The following ZEB2 variants were observed in gnomAD, a reference collection of about 807,000 sequenced individuals.
ZEB2 encodes zinc finger E-box-binding homeobox 2.
In ZEB2, 6 loss-of-function variants were observed where a neutral mutation model predicts 99.9. That is an observed-to-expected ratio of 0.06 (90% CI 0.03 to 0.12). The LOEUF (loss-of-function observed/expected upper bound fraction) is 0.12, where lower values mean the gene tolerates loss of function less well. Among genes scored for constraint, ZEB2 ranks in the 10% least tolerant of loss-of-function variants. The pLI, the probability that ZEB2 is intolerant of heterozygous loss-of-function variation, is 1.00. For synonymous variants in ZEB2, 517 were observed against 542.5 expected (o/e 0.95, Z 0.65); for missense variants, 969 against 1,502.8 (o/e 0.64, Z 5.87).
In ZEB2 at chr2:144,398,664, G is replaced by A. The variant is rs754138110; in HGVS notation, c.2523C>T (p.Ser841=). Residue 841 remains serine (S), a synonymous_variant, in exon 8 of 10, where the codon AGC becomes AGT. Transcript: ENST00000627532. The part of the protein sequence containing the change: ...IATKNKTKAS[S]ISLDHNSVSS... ...AAACACTGTTATGATCTAAACTGAT[G>A]CTACTAGCTTTTGTTTTGTTCTTTG... 6.2e-7 allele frequency: 1 copy of A among 1,613,946 alleles called. No individual in the cohort carries two copies. The highest frequency in any genetic ancestry group is 1.1e-5 in the South Asian group (1 of 91,078).
At position 144,517,318 on chromosome 2, in the gene ZEB2, C is replaced by T. The variant is rs1384042379; in HGVS notation, c.33G>A (p.Arg11=). 6.2e-7 allele frequency: 1 copy of T among 1,613,594 alleles called. No homozygotes were observed. Among genetic ancestry groups the T allele is most frequent in the South Asian group, 1.1e-5 (1 of 91,088 alleles). Residue 11 remains arginine (R), a synonymous_variant, in exon 2 of 10, where the codon CGG becomes CGA. Transcript: ENST00000627532. The part of the protein sequence containing the change: MKQPIMADGP[R]CKRRKQANPR... ...GATTGGCTTGTTTGCGCCTCTTGCA[C>T]CGGGGGCCATCCGCCATGATCGGCT...
intron 2 of ZEB2, chr2:144,513,198 AACCATC>A: frequency 1.6e-6 from 2 of 1,287,242 alleles, no homozygotes; most frequent in Non-Finnish European, 2.0e-6. Context: ...CATTGCCTCT[AACCATC>A]ACTACCAGCA....
chr2:144,514,094 G>C (rs757621796), intron 2 of ZEB2: 35 of 381,804 alleles, frequency 9.2e-5, no homozygotes, highest in Non-Finnish European at 1.3e-4. Flanking sequence ...CTTGGCCCTG[G>C]CACTGCCTCT....
rs370546675 is a variant in ZEB2 at position 144,440,143 on chromosome 2, T to A, written c.74-10117A>T. Among the ~76,000 whole-genome samples the A allele has an allele frequency of 5.3e-5, 8 of 152,292 alleles. 1 individual carries two copies. The East Asian group carries it at 1.2e-3, about 22-fold the overall frequency. ...CACTTTGAATGGCTATTTATTTACA[T>A]GTTTGGGCTGTTCACCAGCCTATGA... On this transcript the variant is annotated intron_variant, in intron 2 of 9. Transcript: ENST00000627532.
At chr2:144,419,315 G>A (rs1385740200) in intron 4 of ZEB2, among the ~76,000 whole-genome samples, 1 of 152,184 alleles carries the variant, frequency 6.6e-6, no homozygotes, top group Non-Finnish European at 1.5e-5. Context: ...ATTGTGTTGT[G>A]TAAGATTAAG....
At chr2:144,459,501 T>G (rs1704164183) in intron 2 of ZEB2, among the ~76,000 whole-genome samples, 1 of 152,038 alleles carries the variant, frequency 6.6e-6, no homozygotes. Flanking sequence ...TGTAAAGGAG[T>G]GTGGGACTTG....
At chr2:144,432,166 C>T (rs1703782511) in intron 2 of ZEB2, among the ~76,000 whole-genome samples, 2 of 152,044 alleles carry the variant, frequency 1.3e-5, no homozygotes, top group Admixed American at 1.3e-4. Context: ...TCCCAAATAT[C>T]AGAACAATCT....
intron 2 of ZEB2, among the ~76,000 whole-genome samples, chr2:144,437,774 T>C (rs1016858189): frequency 2.6e-5 from 4 of 152,148 alleles, no homozygotes. Flanking sequence ...CTTGTGTAAA[T>C]AGATATTGTG....
At chr2:144,423,719 A>T (rs1456763910) in intron 4 of ZEB2, among the ~76,000 whole-genome samples, 1 of 152,112 alleles carries the variant, frequency 6.6e-6, no homozygotes, top group East Asian at 1.9e-4. Flanking sequence ...GGTTTTTATT[A>T]TTTCTCTTAT....
intron 2 of ZEB2, among the ~76,000 whole-genome samples, chr2:144,441,487 T>C (rs1378620001): frequency 5.3e-5 from 8 of 151,802 alleles, no homozygotes; most frequent in Admixed American, 5.3e-4. Flanking sequence ...TCTTCCTCAT[T>C]TTACCTCAAG....
At chr2:144,480,468 G>T (rs1288043395) in intron 2 of ZEB2, among the ~76,000 whole-genome samples, 1 of 152,130 alleles carries the variant, frequency 6.6e-6, no homozygotes, top group East Asian at 1.9e-4. Context: ...CCCAAGTTAG[G>T]AAAGAACTTT....
chr2:144,454,264 G>A (rs1342932679), intron 2 of ZEB2, among the ~76,000 whole-genome samples: 1 of 152,114 alleles, frequency 6.6e-6, no homozygotes, highest in Non-Finnish European at 1.5e-5. Flanking sequence ...AACATTATCC[G>A]ATAGTAACTT....
chr2:144,436,226 T>A (rs551357209), intron 2 of ZEB2, among the ~76,000 whole-genome samples: 3 of 152,180 alleles, frequency 2.0e-5, no homozygotes, highest in Non-Finnish European at 2.9e-5. Flanking sequence ...AATATTCAGA[T>A]GGAATGTGCT....
At chr2:144,491,003 C>T (rs1482281933) in intron 2 of ZEB2, among the ~76,000 whole-genome samples, 4 of 152,202 alleles carry the variant, frequency 2.6e-5, no homozygotes, top group East Asian at 1.9e-4. Context: ...TATGTAGTGC[C>T]GTGTCAGTGA....
At chr2:144,519,765 GA>G in intron 1 of ZEB2, 173 bp downstream of exon 1, 1 of 351,652 alleles carries the variant, frequency 2.8e-6, no homozygotes, top group Non-Finnish European at 5.5e-6. Flanking sequence ...AGCCACTCTT[GA>G]GAAAAGCTTG....
intron 2 of ZEB2, among the ~76,000 whole-genome samples, chr2:144,488,147 A>G (rs989944912): frequency 6.6e-6 from 1 of 152,114 alleles, no homozygotes; most frequent in African/African-American, 2.4e-5. Context: ...CATACCAATC[A>G]ATGCTTAGTG....
At chr2:144,518,942 G>T (rs1188429096) in intron 1 of ZEB2, 1 of 152,172 alleles carries the variant, frequency 6.6e-6, no homozygotes, top group Non-Finnish European at 1.5e-5. Context: ...ATCTTTGCCT[G>T]TTACTCCTAA....
At chr2:144,440,507 ATATATATATTTTTTTTTTT>A (rs1365363973) in intron 2 of ZEB2, among the ~76,000 whole-genome samples, 15 of 14,920 alleles carry the variant, frequency 1.0e-3, no homozygotes, top group Admixed American at 4.3e-3. Flanking sequence ...ATATATATAT[ATATATATATTTTTTTTTTT>A]TTTTTTTTTT....
Position 144,396,405 on chromosome 2 carries a change from C to T in ZEB2, c.3067+7G>A, listed in dbSNP as rs1460682974. On this transcript the variant is annotated splice_region_variant and intron_variant, in intron 9 of 9. Transcript: ENST00000627532. ...AGCTCTAACCAGTTAGGCAAAGTCACTCATACCTGTGTGTTCGTATTTATG... is the reference window on the plus strand; with the variant it reads ...AGCTCTAACCAGTTAGGCAAAGTCATTCATACCTGTGTGTTCGTATTTATG... 1.9e-6 allele frequency: 3 copies of T among 1,612,886 alleles called. No individual in the cohort carries two copies. Among genetic ancestry groups the T allele is most frequent in the Non-Finnish European group, 8.5e-7 (1 of 1,179,968 alleles).
Sources: allele counts gnomAD v4.1 joint callset (sites outside exome capture counted in the v4.1 genomes callset), GRCh38; gene constraint gnomAD v4.1.1; transcripts MANE v1.5; gene names NCBI Gene and HGNC (gene_info 2026-07-23, HGNC 2026-07-21).